Variants in CYSLTR1 observed in about 807,000 individuals in gnomAD.
CYSLTR1 encodes the protein cysteinyl leukotriene receptor 1, also known as G-protein coupled receptor HG55.
A neutral mutation model predicts 2.1 loss-of-function variants in CYSLTR1; 1 was observed. The observed-to-expected ratio is 0.48, with a 90% CI of 0.17 to 2.28. CYSLTR1 has a LOEUF of 2.28. Among genes scored for constraint, CYSLTR1 ranks in the 30% most tolerant of loss-of-function variants. CYSLTR1 has a pLI of 0.26. For missense variants in CYSLTR1, 299 were observed against 250.1 expected (o/e 1.20, Z -1.32); for synonymous variants, 110 against 89.6 (o/e 1.23, Z -1.28).
At chrX:78,293,623 C>T (rs987477614) in intron 1 of CYSLTR1, among the ~76,000 whole-genome samples, 3 of 111,958 alleles carry the variant, frequency 2.7e-5, no homozygotes, top group East Asian at 2.8e-4. Context: ...ACCAATCAGA[C>T]GTAGATTTGG....
intron 1 of CYSLTR1, chrX:78,321,706 G>T (rs1375961960): frequency 1.3e-5 from 1 of 75,701 alleles, no homozygotes; most frequent in African/African-American, 4.9e-5. Context: ...AAAAAAAAAA[G>T]GCATAAGTGG....
At chrX:78,295,211 A>G (rs1461563864) in intron 1 of CYSLTR1, among the ~76,000 whole-genome samples, 1 of 111,591 alleles carries the variant, frequency 9.0e-6, no homozygotes, top group Non-Finnish European at 1.9e-5. Context: ...TATTAAAGTC[A>G]TTATTTTATG....
chrX:78,282,987 T>C (rs947725703), intron 2 of CYSLTR1, among the ~76,000 whole-genome samples: 1 of 112,434 alleles, frequency 8.9e-6, no homozygotes, highest in African/African-American at 3.2e-5. Flanking sequence ...AGTCAACAAT[T>C]TGTATTAAGC....
At chrX:78,306,559 TCTC>T (rs1440446575) in intron 1 of CYSLTR1, among the ~76,000 whole-genome samples, 1 of 111,745 alleles carries the variant, frequency 8.9e-6, no homozygotes, top group Non-Finnish European at 1.9e-5. Flanking sequence ...GTAAATGACT[TCTC>T]CTTTAAGAAA....
chrX:78,315,829 A>T (rs1236241834), intron 1 of CYSLTR1, among the ~76,000 whole-genome samples: 1 of 112,154 alleles, frequency 8.9e-6, no homozygotes, highest in African/African-American at 3.2e-5. Context: ...AGAATGGGGA[A>T]ACTTACTACT....
At chrX:78,291,969 T>A (rs1388253748) in intron 1 of CYSLTR1, among the ~76,000 whole-genome samples, 1 of 111,052 alleles carries the variant, frequency 9.0e-6, no homozygotes, top group Non-Finnish European at 1.9e-5. Context: ...CTCTATCTCC[T>A]TTAGTTCTGC....
At chrX:78,307,789 G>A (rs1923082981) in intron 1 of CYSLTR1, among the ~76,000 whole-genome samples, 1 of 111,596 alleles carries the variant, frequency 9.0e-6, no homozygotes, top group South Asian at 3.7e-4. Context: ...GCAGAAGTGT[G>A]GACTTGTAAA....
chrX:78,287,020 A>T (rs983906995), intron 1 of CYSLTR1, among the ~76,000 whole-genome samples: 1 of 111,401 alleles, frequency 9.0e-6, no homozygotes, highest in Non-Finnish European at 1.9e-5. Flanking sequence ...TTATTTTCTT[A>T]TTATTGTGTA....
intron 1 of CYSLTR1, among the ~76,000 whole-genome samples, chrX:78,289,644 T>C (rs1383837968): frequency 8.9e-6 from 1 of 111,997 alleles, no homozygotes; most frequent in Non-Finnish European, 1.9e-5. Context: ...GATTTTTTAA[T>C]GATCGCCATT....
At chrX:78,286,784 T>C (rs1359180271) in intron 1 of CYSLTR1, among the ~76,000 whole-genome samples, 1 of 110,350 alleles carries the variant, frequency 9.1e-6, no homozygotes, top group African/African-American at 3.3e-5. Flanking sequence ...TTAAGGTGAG[T>C]AATGTGGGTA....
At chrX:78,277,479 AC>A (rs936811804) in intron 2 of CYSLTR1, among the ~76,000 whole-genome samples, 1 of 110,904 alleles carries the variant, frequency 9.0e-6, no homozygotes, top group African/African-American at 3.3e-5. Context: ...CCTACTGCCA[AC>A]CCCCCACACC....
chrX:78,317,693 T>G (rs1211138933), intron 1 of CYSLTR1, among the ~76,000 whole-genome samples: 1 of 112,587 alleles, frequency 8.9e-6, no homozygotes, highest in Non-Finnish European at 1.9e-5. Flanking sequence ...TGGACAGAGT[T>G]GGAGACCATT....
intron 2 of CYSLTR1, among the ~76,000 whole-genome samples, chrX:78,275,021 A>G (rs1350623513): frequency 1.8e-5 from 2 of 111,419 alleles, no homozygotes; most frequent in Non-Finnish European, 3.8e-5. Context: ...AATCAAAACC[A>G]CAATGAGATA....
At chrX:78,300,266 G>C (rs1007276145) in intron 1 of CYSLTR1, among the ~76,000 whole-genome samples, 1 of 112,512 alleles carries the variant, frequency 8.9e-6, no homozygotes, top group African/African-American at 3.2e-5. Flanking sequence ...GAATGGTCAC[G>C]TATCTCTGTT....
chrX:78,309,737 G>A (rs1362947621), intron 1 of CYSLTR1, among the ~76,000 whole-genome samples: 1 of 111,922 alleles, frequency 8.9e-6, no homozygotes, highest in East Asian at 2.8e-4. Context: ...TAGTTTTATA[G>A]AATGTTAGAG....
At chrX:78,319,045 A>G (rs1380838267) in intron 1 of CYSLTR1, 1 of 110,713 alleles carries the variant, frequency 9.0e-6, no homozygotes, top group African/African-American at 3.3e-5. Flanking sequence ...ATCATTCTCT[A>G]TGAATACTCC....
At chrX:78,293,929 C>A (rs1352324985) in intron 1 of CYSLTR1, among the ~76,000 whole-genome samples, 4 of 111,804 alleles carry the variant, frequency 3.6e-5, no homozygotes, top group Non-Finnish European at 7.5e-5. Flanking sequence ...TTCAAACATC[C>A]TCCTTTAGCT....
intron 1 of CYSLTR1, chrX:78,319,005 T>G (rs2147275822): frequency 9.0e-6 from 1 of 110,800 alleles, no homozygotes; most frequent in East Asian, 2.8e-4. Flanking sequence ...GGCAAATTTA[T>G]ACTTATACTT....
Position 78,272,542 on chromosome X carries a change from C to T in CYSLTR1, c.*191G>A, listed in dbSNP as rs932870698. ...TATAATTCAGTTCATAGTTGTGGAC[C>T]GAATTTTTAGCACTTAAAATATCTA... On this transcript the variant is annotated 3_prime_UTR_variant, in exon 3 of 3. Coordinates refer to ENST00000373304, the MANE Select transcript of CYSLTR1 (RefSeq NM_006639.4). 2.0e-4 allele frequency: 68 copies of T among 344,455 alleles called. No homozygotes were observed. The highest frequency in any genetic ancestry group is 9.3e-4 in the East Asian group (19 of 20,419). 28.4% of individuals were successfully genotyped at this position (344,455 alleles called of 1,213,427 possible).
Sources: allele counts gnomAD v4.1 joint callset (sites outside exome capture counted in the v4.1 genomes callset), GRCh38; gene constraint gnomAD v4.1.1; transcripts MANE v1.5; gene names NCBI Gene and HGNC (gene_info 2026-07-23, HGNC 2026-07-21).